The following SMC2 variants were observed in gnomAD, a reference collection of about 807,000 sequenced individuals.
SMC2 encodes the protein structural maintenance of chromosomes 2, also known as structural maintenance of chromosomes protein 2.
SMC2 carries 41 observed loss-of-function variants against 142.6 expected under a neutral mutation model. The ratio of observed to expected loss-of-function variants is 0.29; its 90% CI spans 0.22 to 0.37. The LOEUF (loss-of-function observed/expected upper bound fraction) is 0.37, where lower values mean the gene tolerates loss of function less well. Ranked by LOEUF, SMC2 falls within the 10% of genes least tolerant of loss-of-function variation. The pLI is 1.00. For missense variants in SMC2, 1,265 were observed against 1,373.7 expected (o/e 0.92, Z 1.25); for synonymous variants, 463 against 457.5 (o/e 1.01, Z -0.15).
chr9:104,094,722 G>C (rs1830259503), intron 1 of SMC2: 2 of 322,494 alleles, frequency 6.2e-6, no homozygotes, highest in South Asian at 3.1e-4. Flanking sequence ...TGGAGAATAT[G>C]AGATACATCT....
At chr9:104,091,864 CT>C (rs1829985584), upstream of SMC2, among the ~76,000 whole-genome samples, 2 of 151,742 alleles carry the variant, frequency 1.3e-5, no homozygotes, top group South Asian at 4.2e-4. Flanking sequence ...CTTGCTGGTA[CT>C]GATGATGCCT....
chr9:104,098,416 TA>T (rs1334191564), intron 3 of SMC2, 29 bp from the exon 4 acceptor site: 1 of 1,546,084 alleles, frequency 6.5e-7, no homozygotes, highest in Non-Finnish European at 8.7e-7. Flanking sequence ...GCATGTACAT[TA>T]ATATTTAAAA....
chr9:104,107,999 T>G (rs2131360122), intron 9 of SMC2, among the ~76,000 whole-genome samples: 1 of 152,282 alleles, frequency 6.6e-6, no homozygotes, highest in South Asian at 2.1e-4. Flanking sequence ...GGGGCATACC[T>G]CCTCAGGTGG....
In SMC2 at chr9:104,094,370, T is replaced by C. The variant is rs1427846274; in HGVS notation, c.-169T>C. 2 of 398,674 alleles carry C rather than the reference T, an allele frequency of 5.0e-6. No homozygotes were observed. Among genetic ancestry groups the C allele is most frequent in the Non-Finnish European group, 8.8e-6 (2 of 226,216 alleles). 24.7% of individuals were successfully genotyped at this position (398,674 alleles called of 1,614,324 possible). A position where few individuals can be genotyped will look rare whatever the true frequency, so the allele number is the denominator to read the frequency against. On this transcript the variant is annotated 5_prime_UTR_variant, in exon 1 of 25. It removes an upstream start codon present in the reference 5' UTR. Coordinates refer to ENST00000374793, the MANE Select transcript of SMC2 (RefSeq NM_006444.3). Reference sequence around the variant, plus strand: ...GGTGTGGCAGGTGTTGTAGCCGCTATGGTGAAGTTCGCTTTGTAGCGGCCC... The same window carrying C: ...GGTGTGGCAGGTGTTGTAGCCGCTACGGTGAAGTTCGCTTTGTAGCGGCCC...
intron 21 of SMC2, 37 bp from the exon 22 acceptor site, chr9:104,131,972 T>C (rs1835025713): frequency 1.9e-6 from 2 of 1,053,272 alleles, no homozygotes; most frequent in African/African-American, 3.2e-5. Flanking sequence ...GAAGAGATTT[T>C]ATATTTTCCC....
chr9:104,096,897 C>G (rs536976845), intron 3 of SMC2, among the ~76,000 whole-genome samples: 1 of 152,264 alleles, frequency 6.6e-6, no homozygotes, highest in South Asian at 2.1e-4. Flanking sequence ...CTCCTGCATT[C>G]ATCTATCTTT....
chr9:104,102,581 A>G lies in SMC2; in HGVS notation c.1020+8A>G. ...GAAAAAAATATGGTTGAGGTAAGTG[A>G]GCTTAATGTGCCACTAGTGCCACTT... On this transcript the variant is annotated splice_region_variant and intron_variant, in intron 9 of 24. Coordinates refer to ENST00000374793, the MANE Select transcript of SMC2 (RefSeq NM_006444.3). 6.2e-7 allele frequency: 1 copy of G among 1,610,762 alleles called. No individual in the cohort carries two copies. Among genetic ancestry groups the G allele is most frequent in the South Asian group, 1.1e-5 (1 of 90,510 alleles).
chr9:104,109,645 C>T (rs889931935), intron 9 of SMC2, among the ~76,000 whole-genome samples: 4 of 152,082 alleles, frequency 2.6e-5, no homozygotes, highest in Admixed American at 6.5e-5. Flanking sequence ...CATGGATTGA[C>T]TTATTAGCAG....
Position 104,116,311 on chromosome 9 carries a change from C to T in SMC2, c.1783C>T (p.Gln595Ter). The change falls in exon 14 of 25, where the codon CAG becomes TAG. Residue 595 changes from glutamine (Q) to a stop codon, truncating the protein, a stop_gained. Transcript: ENST00000374793. LOFTEE classifies it high-confidence loss of function. ...TGCACCAGAAACTCTGAGAGTTGCT[C>T]AGAATCTTGTAAGTCTCATTTTGTC... ...CIAPETLRVA[Q>*]NLVGPDNVHV... The T allele has an allele frequency of 6.2e-7, 1 of 1,604,284 alleles. No individual in the cohort carries two copies. Among genetic ancestry groups the T allele is most frequent in the Non-Finnish European group, 8.5e-7 (1 of 1,176,782 alleles).
intron 9 of SMC2, among the ~76,000 whole-genome samples, chr9:104,103,411 G>T (rs7859034): frequency 0.59 from 89,318 of 151,368 alleles, 27,749 homozygotes; most frequent in African/African-American, 0.75. Flanking sequence ...ACAGAAGAGA[G>T]TTTTTGGCTT....
chr9:104,098,962 A>G (rs971301007), intron 4 of SMC2, among the ~76,000 whole-genome samples: 4 of 152,106 alleles, frequency 2.6e-5, no homozygotes, highest in Non-Finnish European at 5.9e-5. Context: ...GGCTGATTTT[A>G]TCTTACATTT....
At chr9:104,126,236 T>C (rs980249) in intron 18 of SMC2, among the ~76,000 whole-genome samples, 28,570 of 152,082 alleles carry the variant, frequency 0.19, 2,937 homozygotes, top group Middle Eastern at 0.25. Flanking sequence ...GCCAAAAAGG[T>C]TGGGGACTGC....
intron 9 of SMC2, among the ~76,000 whole-genome samples, chr9:104,109,982 T>C (rs889513303): frequency 2.0e-5 from 3 of 152,212 alleles, no homozygotes; most frequent in Admixed American, 1.3e-4. Context: ...TACACTATTA[T>C]AATAATTTTG....
intron 3 of SMC2, among the ~76,000 whole-genome samples, chr9:104,097,124 T>G (rs1234422620): frequency 6.8e-6 from 1 of 146,166 alleles, no homozygotes; most frequent in African/African-American, 2.5e-5. Flanking sequence ...TCAAGGTTTT[T>G]TTTTTTTTTT....
intron 9 of SMC2, among the ~76,000 whole-genome samples, chr9:104,105,379 A>C (rs985318078): frequency 2.6e-5 from 4 of 151,930 alleles, no homozygotes; most frequent in Non-Finnish European, 4.4e-5. Flanking sequence ...GGTCACTCCT[A>C]CGCTGCCCAT....
At chr9:104,137,826 A>G (rs977370146) in intron 23 of SMC2, among the ~76,000 whole-genome samples, 192 bp from the exon 24 acceptor site, 1 of 144,166 alleles carries the variant, frequency 6.9e-6, no homozygotes, top group African/African-American at 3.0e-5. Context: ...AGAAATGGAA[A>G]GCTAAAATAA....
At chr9:104,096,571 G>T in intron 3 of SMC2, among the ~76,000 whole-genome samples, 1 of 152,216 alleles carries the variant, frequency 6.6e-6, no homozygotes, top group Non-Finnish European at 1.5e-5. Context: ...TTCTTTGGTT[G>T]TTCTTGAACA....
chr9:104,136,695 C>T (rs1344701725), intron 23 of SMC2, among the ~76,000 whole-genome samples: 1 of 151,042 alleles, frequency 6.6e-6, no homozygotes, highest in Non-Finnish European at 1.5e-5. Context: ...AGTTTAGCTC[C>T]CTTTTATAGA....
At chr9:104,107,983 C>G (rs1040798745) in intron 9 of SMC2, among the ~76,000 whole-genome samples, 6 of 152,130 alleles carry the variant, frequency 3.9e-5, no homozygotes, top group Non-Finnish European at 5.9e-5. Context: ...AAATTCTTAG[C>G]TACGAGGGGC....
Sources: allele counts gnomAD v4.1 joint callset (sites outside exome capture counted in the v4.1 genomes callset), GRCh38; gene constraint gnomAD v4.1.1; transcripts MANE v1.5; gene names NCBI Gene and HGNC (gene_info 2026-07-23, HGNC 2026-07-21).